Variants in CCDC178 observed in about 807,000 individuals in gnomAD.
CCDC178 encodes the protein coiled-coil domain-containing protein 178.
A neutral mutation model predicts 117.4 loss-of-function variants in CCDC178; 126 were observed. The ratio of observed to expected loss-of-function variants is 1.07; its 90% CI spans 0.93 to 1.24. The LOEUF is 1.24. CCDC178 is among the 50% of genes most tolerant of loss of function. The pLI, the probability that CCDC178 is intolerant of heterozygous loss-of-function variation, is 0.00. For missense variants in CCDC178, 1,030 were observed against 986.9 expected (o/e 1.04, Z -0.59); for synonymous variants, 283 against 313.4 (o/e 0.90, Z 1.02).
chr18:33,258,168 T>C (rs2059701901), intron 14 of CCDC178, among the ~76,000 whole-genome samples: 2 of 152,160 alleles, frequency 1.3e-5, no homozygotes, highest in Non-Finnish European at 2.9e-5. Flanking sequence ...AAGTGATCTC[T>C]CTAAAATATA....
intron 21 of CCDC178, among the ~76,000 whole-genome samples, chr18:33,092,426 G>T (rs1222738765): frequency 6.6e-6 from 1 of 152,004 alleles, no homozygotes; most frequent in Non-Finnish European, 1.5e-5. Flanking sequence ...TTAGAGGCCT[G>T]CCATGGGAAA....
At chr18:33,002,113 C>T (rs553478999) in intron 21 of CCDC178, among the ~76,000 whole-genome samples, 5 of 152,226 alleles carry the variant, frequency 3.3e-5, no homozygotes, top group South Asian at 2.1e-4. Flanking sequence ...CAGCATTGGG[C>T]AGCTGTCTCA....
chr18:33,366,490 A>G (rs1341771045), intron 6 of CCDC178, among the ~76,000 whole-genome samples: 2 of 152,062 alleles, frequency 1.3e-5, no homozygotes, highest in Non-Finnish European at 2.9e-5. Context: ...CTCTAACATT[A>G]AAACCCAAAG....
chr18:33,366,983 G>A (rs1227158727), intron 6 of CCDC178, among the ~76,000 whole-genome samples: 1 of 152,052 alleles, frequency 6.6e-6, no homozygotes, highest in Non-Finnish European at 1.5e-5. Context: ...AAAATGTTGA[G>A]AAGAAATATC....
chr18:33,180,689 G>C (rs1024666591), intron 20 of CCDC178, among the ~76,000 whole-genome samples: 36 of 151,932 alleles, frequency 2.4e-4, no homozygotes, highest in African/African-American at 8.5e-4. Flanking sequence ...ACAAACCTAA[G>C]AACATATGCC....
chr18:33,034,003 C>T (rs940495563), intron 21 of CCDC178, among the ~76,000 whole-genome samples: 1 of 151,776 alleles, frequency 6.6e-6, no homozygotes, highest in Non-Finnish European at 1.5e-5. Flanking sequence ...GATGCCAACC[C>T]ACACCTAAAA....
At chr18:33,402,435 G>A (rs1018870188) in intron 3 of CCDC178, among the ~76,000 whole-genome samples, 2 of 152,164 alleles carry the variant, frequency 1.3e-5, no homozygotes, top group African/African-American at 2.4e-5. Context: ...CCACATTTAC[G>A]ATATCGGAGG....
intron 21 of CCDC178, among the ~76,000 whole-genome samples, chr18:32,981,682 T>C (rs577652563): frequency 3.1e-4 from 47 of 152,324 alleles, no homozygotes; most frequent in African/African-American, 1.1e-3. Context: ...TGTCAAAATA[T>C]AAAAATGGCT....
At chr18:33,289,637 A>G (rs1334397713) in intron 12 of CCDC178, among the ~76,000 whole-genome samples, 1 of 151,996 alleles carries the variant, frequency 6.6e-6, no homozygotes, top group East Asian at 1.9e-4. Flanking sequence ...AAAACAAACA[A>G]CAACAAAACT....
chr18:33,389,195 A>G (rs1390702250), intron 5 of CCDC178, among the ~76,000 whole-genome samples: 1 of 152,084 alleles, frequency 6.6e-6, no homozygotes, highest in East Asian at 1.9e-4. Flanking sequence ...CACCCCCAAA[A>G]ACATTTGTCT....
intron 12 of CCDC178, among the ~76,000 whole-genome samples, chr18:33,284,550 C>A (rs935264713): frequency 3.3e-5 from 5 of 151,460 alleles, no homozygotes; most frequent in African/African-American, 1.2e-4. Context: ...TGTTTATATA[C>A]AAAAAAAATG....
At chr18:32,978,176 C>A (rs2055066250) in intron 21 of CCDC178, among the ~76,000 whole-genome samples, 1 of 137,056 alleles carries the variant, frequency 7.3e-6, no homozygotes, top group Admixed American at 7.7e-5. Context: ...TAAGGATCAA[C>A]TAAGAAAGAG....
At chr18:33,022,877 G>A (rs946348374) in intron 21 of CCDC178, among the ~76,000 whole-genome samples, 27 of 151,982 alleles carry the variant, frequency 1.8e-4, no homozygotes, top group Admixed American at 1.6e-3. Context: ...TAGGGGGGCT[G>A]GAAGTAAAGG....
intron 11 of CCDC178, among the ~76,000 whole-genome samples, chr18:33,313,033 T>A (rs568186230): frequency 6.6e-6 from 1 of 152,308 alleles, no homozygotes; most frequent in South Asian, 2.1e-4. Flanking sequence ...ATAGTCTCTC[T>A]CACAGGTGTA....
chr18:33,293,799 G>C (rs528863134), intron 11 of CCDC178, among the ~76,000 whole-genome samples: 97 of 152,216 alleles, frequency 6.4e-4, no homozygotes, highest in African/African-American at 2.3e-3. Context: ...TAAGTAAATA[G>C]TGAGGAAAAA....
At chr18:33,028,556 T>G (rs1226584544) in intron 21 of CCDC178, among the ~76,000 whole-genome samples, 2 of 151,794 alleles carry the variant, frequency 1.3e-5, no homozygotes, top group African/African-American at 4.8e-5. Context: ...GATATAAAGT[T>G]ATGATGTTGT....
At chr18:33,260,582 CT>C (rs2059732680) in intron 14 of CCDC178, among the ~76,000 whole-genome samples, 1 of 151,682 alleles carries the variant, frequency 6.6e-6, no homozygotes, top group Admixed American at 6.6e-5. Context: ...TACCTTTTCT[CT>C]GTCTTAATGG....
At chr18:33,372,611 C>T (rs1002202150) in intron 5 of CCDC178, among the ~76,000 whole-genome samples, 2 of 152,074 alleles carry the variant, frequency 1.3e-5, no homozygotes, top group Non-Finnish European at 2.9e-5. Context: ...AACTTCCTTG[C>T]CCAGAATTAA....
At chr18:33,359,392 C>A in intron 6 of CCDC178, among the ~76,000 whole-genome samples, 1 of 151,552 alleles carries the variant, frequency 6.6e-6, no homozygotes, top group Non-Finnish European at 1.5e-5. Flanking sequence ...TAAAAAATTA[C>A]TTTAGTCAGT....
Sources: gnomAD v4.1 joint callset for allele counts (sites outside exome capture counted in the v4.1 genomes callset) on GRCh38, gnomAD v4.1.1 for gene constraint, MANE v1.5 for transcripts, NCBI Gene and HGNC (gene_info 2026-07-23, HGNC 2026-07-21) for gene names.